Variants in NTSR1 observed in about 807,000 individuals in gnomAD.
The protein encoded by NTSR1 is neurotensin receptor type 1.
In NTSR1, 29 loss-of-function variants were observed where a neutral mutation model predicts 31.2. The ratio of observed to expected loss-of-function variants is 0.93; its 90% CI spans 0.69 to 1.27. The LOEUF is 1.27. Ranked by LOEUF, NTSR1 falls within the 50% of genes most tolerant of loss-of-function variation. NTSR1 has a pLI of 0.00. For synonymous variants in NTSR1, 282 were observed against 269.9 expected (o/e 1.04, Z -0.44); for missense variants, 697 against 595.4 (o/e 1.17, Z -1.78).
intron 1 of NTSR1, among the ~76,000 whole-genome samples, chr20:62,712,805 C>T (rs1988642154): frequency 1.3e-5 from 2 of 152,250 alleles, no homozygotes; most frequent in African/African-American, 2.4e-5. Flanking sequence ...ATGGCCCAGG[C>T]CCAACCTCCA....
intron 1 of NTSR1, among the ~76,000 whole-genome samples, chr20:62,721,856 G>T (rs1467717356): frequency 6.6e-6 from 1 of 152,138 alleles, no homozygotes. Flanking sequence ...CCACTTCTCT[G>T]TATTTGCTCT....
chr20:62,711,865 A>G lies in NTSR1; in HGVS notation c.714+1944A>G, dbSNP rs999592977. Among the ~76,000 whole-genome samples the G allele has an allele frequency of 1.4e-4, 21 of 152,154 alleles. No homozygotes were observed. Among genetic ancestry groups the G allele is most frequent in the Admixed American group, 9.2e-4 (14 of 15,286 alleles). On this transcript the variant is annotated intron_variant, in intron 1 of 3. Coordinates refer to ENST00000370501, the MANE Select transcript of NTSR1 (RefSeq NM_002531.3). The surrounding 1 kb of genome is among the most constrained non-coding windows in gnomAD (Gnocchi z 6.4). Reference sequence around the variant, plus strand: ...GAGGCAGATTTGGCCAAGTCACGCTACGGCCGGCCACAGGCACTCGTCCAA... The same window carrying G: ...GAGGCAGATTTGGCCAAGTCACGCTGCGGCCGGCCACAGGCACTCGTCCAA...
At chr20:62,736,808 C>T (rs962494835) in intron 1 of NTSR1, among the ~76,000 whole-genome samples, 3 of 152,228 alleles carry the variant, frequency 2.0e-5, no homozygotes, top group African/African-American at 7.2e-5. Context: ...AATTGTAATC[C>T]CCATAATGCC....
In NTSR1 at chr20:62,742,767, C is replaced by T. The variant is rs1213244043; in HGVS notation, c.715-11918C>T. Among the ~76,000 whole-genome samples the T allele has an allele frequency of 6.7e-6, 1 of 149,196 alleles. No individual in the cohort carries two copies. The highest frequency in any genetic ancestry group is 1.5e-5 in the Non-Finnish European group (1 of 68,000). ...CTGGGCTGTGTCACCTTAAAGACCCCTTTGCTCTCTTGGCCCTGGCACCCC... is the reference window on the plus strand; with the variant it reads ...CTGGGCTGTGTCACCTTAAAGACCCTTTTGCTCTCTTGGCCCTGGCACCCC... On this transcript the variant is annotated intron_variant, in intron 1 of 3. Transcript: ENST00000370501. The surrounding 1 kb of genome is among the most constrained non-coding windows in gnomAD (Gnocchi z 7.1).
chr20:62,727,634 TG>T (rs1988931524), intron 1 of NTSR1, among the ~76,000 whole-genome samples: 1 of 152,148 alleles, frequency 6.6e-6, no homozygotes, highest in Admixed American at 6.5e-5. Context: ...TGGCTGGACG[TG>T]GATTTCCTGG....
intron 1 of NTSR1, among the ~76,000 whole-genome samples, chr20:62,739,905 C>T (rs1013558834): frequency 4.6e-5 from 7 of 152,272 alleles, no homozygotes; most frequent in Non-Finnish European, 1.0e-4. Flanking sequence ...GGAACACTTG[C>T]TCTTTTCCAA....
At chr20:62,722,364 G>C (rs752948757) in intron 1 of NTSR1, among the ~76,000 whole-genome samples, 2 of 152,140 alleles carry the variant, frequency 1.3e-5, no homozygotes, top group Non-Finnish European at 2.9e-5. Flanking sequence ...CTGTGTCATG[G>C]GCTTCCTGGC....
At chr20:62,749,184 A>G (rs1035660399) in intron 1 of NTSR1, among the ~76,000 whole-genome samples, 10 of 152,268 alleles carry the variant, frequency 6.6e-5, no homozygotes, top group South Asian at 4.1e-4. Context: ...GCTCACGCCT[A>G]TAATCCCAGC....
At chr20:62,736,792 C>T (rs1485236912) in intron 1 of NTSR1, among the ~76,000 whole-genome samples, 4 of 152,244 alleles carry the variant, frequency 2.6e-5, no homozygotes, top group Admixed American at 2.6e-4. Context: ...CCCAAAATCT[C>T]ATGGGAATTG....
chr20:62,725,435 C>G (rs1024826706), intron 1 of NTSR1, among the ~76,000 whole-genome samples: 1 of 152,220 alleles, frequency 6.6e-6, no homozygotes, highest in Admixed American at 6.5e-5. Context: ...ATTTGCCACC[C>G]TCTGCCGCTG....
chr20:62,731,933 A>G (rs543939216), intron 1 of NTSR1, among the ~76,000 whole-genome samples: 32 of 152,300 alleles, frequency 2.1e-4, no homozygotes, highest in African/African-American at 7.0e-4. Context: ...AGTCTGGCCA[A>G]TATAGTGAAA....
At chr20:62,739,692 G>A (rs943069082) in intron 1 of NTSR1, among the ~76,000 whole-genome samples, 2 of 152,276 alleles carry the variant, frequency 1.3e-5, no homozygotes, top group African/African-American at 4.8e-5. Flanking sequence ...AGAGCCAGAT[G>A]TCTGTGGGAC....
At chr20:62,716,922 C>T (rs1988738464) in intron 1 of NTSR1, among the ~76,000 whole-genome samples, 1 of 152,260 alleles carries the variant, frequency 6.6e-6, no homozygotes, top group African/African-American at 2.4e-5. Flanking sequence ...GAGACCCCCA[C>T]TGTTCCCCCG....
In NTSR1 at chr20:62,714,412, A is replaced by G. The variant is rs923956228; in HGVS notation, c.714+4491A>G. ...TAGATAAAAGGCAGTGTCTCAGCCC[A>G]GAAATGTTCATCAATAAGTGAAGAA... On this transcript the variant is annotated intron_variant, in intron 1 of 3. Coordinates refer to ENST00000370501, the MANE Select transcript of NTSR1 (RefSeq NM_002531.3). The surrounding 1 kb of genome is among the most constrained non-coding windows in gnomAD (Gnocchi z 4.1). Among the ~76,000 whole-genome samples, 1 of 152,250 alleles carries G rather than the reference A, an allele frequency of 6.6e-6. No individual in the cohort carries two copies. Among genetic ancestry groups the G allele is most frequent in the African/African-American group, 2.4e-5 (1 of 41,452 alleles).
intron 1 of NTSR1, among the ~76,000 whole-genome samples, chr20:62,730,384 G>A (rs184506362): frequency 7.2e-5 from 11 of 152,214 alleles, no homozygotes; most frequent in Admixed American, 4.6e-4. Flanking sequence ...CTTTCCCTTC[G>A]CAGTATGTAG....
chr20:62,726,324 A>G (rs2147136387), intron 1 of NTSR1, among the ~76,000 whole-genome samples: 1 of 152,310 alleles, frequency 6.6e-6, no homozygotes, highest in South Asian at 2.1e-4. Flanking sequence ...GCGTCTGTCA[A>G]TGGAACTGCT....
intron 1 of NTSR1, among the ~76,000 whole-genome samples, chr20:62,740,902 C>T (rs150728109): frequency 1.2e-4 from 19 of 152,344 alleles, no homozygotes; most frequent in African/African-American, 4.3e-4. Context: ...TGTCACCTGC[C>T]GCTGCCTGTG....
At position 62,709,619 on chromosome 20, in the gene NTSR1, G is replaced by A. The variant is rs796878306; in HGVS notation, c.412G>A (p.Asp138Asn). The change falls in exon 1 of 4, where the codon GAC (aspartate) becomes AAC (asparagine). Residue 138 changes from aspartate (D) to asparagine (N), a missense_variant. Coordinates refer to ENST00000370501, the MANE Select transcript of NTSR1 (RefSeq NM_002531.3). ...GGTGCACCACCCCTGGGCCTTCGGC[G>A]ACGCCGGCTGCCGCGGCTACTACTT... ...IWVHHPWAFG[D>N]AGCRGYYFLR... is the part of the protein sequence containing the mutation. 1.2e-6 allele frequency: 2 copies of A among 1,611,868 alleles called. No individual in the cohort carries two copies. Among genetic ancestry groups the A allele is most frequent in the Non-Finnish European group, 1.7e-6 (2 of 1,179,912 alleles).
At chr20:62,716,084 G>T (rs957485129) in intron 1 of NTSR1, among the ~76,000 whole-genome samples, 1 of 152,212 alleles carries the variant, frequency 6.6e-6, no homozygotes, top group East Asian at 1.9e-4. Context: ...CCATCTGGAA[G>T]GGCACAGTTG....
Sources: allele counts gnomAD v4.1 joint callset (sites outside exome capture counted in the v4.1 genomes callset), GRCh38; gene constraint gnomAD v4.1.1; non-coding constraint Gnocchi (gnomAD v3.1); transcripts MANE v1.5; gene names NCBI Gene and HGNC (gene_info 2026-07-23, HGNC 2026-07-21).